Variants in SCGN observed in about 807,000 individuals in gnomAD.
The protein encoded by SCGN is secretagogin, EF-hand calcium binding protein, also known as secretagogin.
SCGN carries 30 observed loss-of-function variants against 39.7 expected under a neutral mutation model. That is an observed-to-expected ratio of 0.76 (90% CI 0.57 to 1.03). The LOEUF (loss-of-function observed/expected upper bound fraction) is 1.03, where lower values mean the gene tolerates loss of function less well. SCGN is among the 50% of genes least tolerant of loss of function. The probability of loss-of-function intolerance (pLI) is 0.00; values close to 1 mark genes in which losing one functional copy is unlikely to be tolerated. For synonymous variants in SCGN, 106 were observed against 114.1 expected (o/e 0.93, Z 0.45); for missense variants, 353 against 349.4 (o/e 1.01, Z -0.08).
chr6:25,685,556 T>G (rs1244038157), intron 7 of SCGN, among the ~76,000 whole-genome samples: 1 of 152,154 alleles, frequency 6.6e-6, no homozygotes, highest in Non-Finnish European at 1.5e-5. Context: ...ATAGTTGTAT[T>G]ACATTTTTTC....
intron 2 of SCGN, among the ~76,000 whole-genome samples, chr6:25,655,279 A>T (rs1760207577): frequency 6.6e-6 from 1 of 152,154 alleles, no homozygotes; most frequent in Non-Finnish European, 1.5e-5. Context: ...AAGGGAGGAG[A>T]AAAATTGCTG....
chr6:25,661,052 C>A (rs1760327137), intron 2 of SCGN, among the ~76,000 whole-genome samples: 1 of 152,202 alleles, frequency 6.6e-6, no homozygotes, highest in South Asian at 2.1e-4. Context: ...TACCTTATTA[C>A]TTTGGTCTCC....
At chr6:25,679,779 C>T (rs1379780075) in intron 6 of SCGN, among the ~76,000 whole-genome samples, 1 of 152,144 alleles carries the variant, frequency 6.6e-6, no homozygotes, top group African/African-American at 2.4e-5. Context: ...GGGAAATCCA[C>T]GTAGAGTCTT....
chr6:25,664,303 T>C (rs1471442376), intron 3 of SCGN, among the ~76,000 whole-genome samples: 1 of 152,244 alleles, frequency 6.6e-6, no homozygotes, highest in Non-Finnish European at 1.5e-5. Context: ...GCTTTTGCAC[T>C]GAAATATTGT....
At chr6:25,666,968 A>G (rs2151378546) in intron 4 of SCGN, among the ~76,000 whole-genome samples, 2 of 152,318 alleles carry the variant, frequency 1.3e-5, no homozygotes, top group African/African-American at 4.8e-5. Flanking sequence ...TAAAAATAAC[A>G]AATAGACTGC....
At position 25,652,494 on chromosome 6, in the gene SCGN, A is replaced by G; in HGVS notation, c.82+9A>G. On this transcript the variant is annotated intron_variant, in intron 1 of 10. Coordinates refer to ENST00000377961, the MANE Select transcript of SCGN (RefSeq NM_006998.4). Reference sequence around the variant, plus strand: ...GCGCTTTGATGCGGATGGTGAGTAGAACAAGCCACTTGCACACTCAGGTGT... The same window carrying G: ...GCGCTTTGATGCGGATGGTGAGTAGGACAAGCCACTTGCACACTCAGGTGT... The G allele has an allele frequency of 6.2e-7, 1 of 1,613,476 alleles. No homozygotes were observed. Among genetic ancestry groups the G allele is most frequent in the Non-Finnish European group, 8.5e-7 (1 of 1,179,692 alleles).
chr6:25,697,476 T>C (rs150970121), intron 10 of SCGN, among the ~76,000 whole-genome samples: 1 of 152,298 alleles, frequency 6.6e-6, no homozygotes, highest in Non-Finnish European at 1.5e-5. Context: ...TATGGTCCAG[T>C]GTTGGAGTCA....
intron 2 of SCGN, among the ~76,000 whole-genome samples, chr6:25,657,853 C>T (rs1760255361): frequency 6.6e-6 from 1 of 151,060 alleles, no homozygotes; most frequent in East Asian, 1.9e-4. Flanking sequence ...AGAAGACAGA[C>T]TGTCACCTCA....
chr6:25,669,416 A>T, intron 4 of SCGN, 95 bp from the exon 5 acceptor site: 2 of 1,085,570 alleles, frequency 1.8e-6, no homozygotes, highest in Non-Finnish European at 2.8e-6. Flanking sequence ...CCATTCAGTT[A>T]AGTACTGTTT....
intron 10 of SCGN, among the ~76,000 whole-genome samples, chr6:25,695,327 C>T (rs1384565244): frequency 6.6e-6 from 1 of 152,042 alleles, no homozygotes; most frequent in Non-Finnish European, 1.5e-5. Flanking sequence ...TCCATGAAAC[C>T]ATCATCATGA....
chr6:25,653,912 AG>A (rs1360715647), intron 2 of SCGN, among the ~76,000 whole-genome samples: 1 of 152,214 alleles, frequency 6.6e-6, no homozygotes, highest in East Asian at 1.9e-4. Flanking sequence ...TTATTAGAAG[AG>A]GTTACAGATT....
At chr6:25,673,186 A>G (rs964935842) in intron 6 of SCGN, among the ~76,000 whole-genome samples, 1 of 152,098 alleles carries the variant, frequency 6.6e-6, no homozygotes, top group African/African-American at 2.4e-5. Context: ...CTGTGCCCCT[A>G]TTATGGCTCT....
At chr6:25,675,241 A>G (rs1759549003) in intron 6 of SCGN, among the ~76,000 whole-genome samples, 1 of 152,208 alleles carries the variant, frequency 6.6e-6, no homozygotes, top group South Asian at 2.1e-4. Context: ...GTTCTCTATA[A>G]CTAGTGACTT....
intron 2 of SCGN, among the ~76,000 whole-genome samples, chr6:25,657,312 A>T (rs2011465): frequency 6.6e-6 from 1 of 152,004 alleles, no homozygotes; most frequent in Admixed American, 6.5e-5. Context: ...GCAGAAATCC[A>T]ATGCTCATTC....
chr6:25,655,907 T>C (rs1053218284), intron 2 of SCGN, among the ~76,000 whole-genome samples: 1 of 152,130 alleles, frequency 6.6e-6, no homozygotes, highest in Admixed American at 6.5e-5. Flanking sequence ...AAGAAAGCTT[T>C]TGGAGCCAGG....
chr6:25,673,970 G>A (rs1022462558), intron 6 of SCGN, among the ~76,000 whole-genome samples: 6 of 152,026 alleles, frequency 3.9e-5, no homozygotes, highest in Non-Finnish European at 7.4e-5. Flanking sequence ...GCAAAAGCAG[G>A]AACAAGAGAG....
At chr6:25,694,299 C>G (rs1759811764) in intron 10 of SCGN, among the ~76,000 whole-genome samples, 1 of 152,110 alleles carries the variant, frequency 6.6e-6, no homozygotes, top group Non-Finnish European at 1.5e-5. Flanking sequence ...TTTCCAAAGG[C>G]CAGTAGGAGA....
At chr6:25,687,609 A>G (rs1759722002) in intron 7 of SCGN, among the ~76,000 whole-genome samples, 1 of 152,144 alleles carries the variant, frequency 6.6e-6, no homozygotes, top group Non-Finnish European at 1.5e-5. Context: ...TATATACAAT[A>G]TTGTATCATC....
chr6:25,657,032 T>C (rs1224141643), intron 2 of SCGN, among the ~76,000 whole-genome samples: 1 of 152,202 alleles, frequency 6.6e-6, no homozygotes, highest in Middle Eastern at 3.2e-3. Context: ...AGTTCGACCC[T>C]GTTGAGTGAT....
Sources: allele counts gnomAD v4.1 joint callset (sites outside exome capture counted in the v4.1 genomes callset), GRCh38; gene constraint gnomAD v4.1.1; transcripts MANE v1.5; gene names NCBI Gene and HGNC (gene_info 2026-07-23, HGNC 2026-07-21).